Variants in SNTG2 observed in about 807,000 individuals in gnomAD.
The protein encoded by SNTG2 is gamma-2-syntrophin.
In SNTG2, 74 loss-of-function variants were observed where a neutral mutation model predicts 70.9. The observed-to-expected ratio is 1.04, with a 90% CI of 0.86 to 1.27. The LOEUF is 1.27. Among genes scored for constraint, SNTG2 ranks in the 50% most tolerant of loss-of-function variants. The probability of loss-of-function intolerance (pLI) is 0.00; values close to 1 mark genes in which losing one functional copy is unlikely to be tolerated. For missense variants in SNTG2, 717 were observed against 690.7 expected (o/e 1.04, Z -0.43); for synonymous variants, 278 against 273.8 (o/e 1.02, Z -0.15).
chr2:1,222,125 G>GTCTCTGTCTCTCTCTGTCTC (rs1675223990), intron 9 of SNTG2, among the ~76,000 whole-genome samples: 1 of 76,264 alleles, frequency 1.3e-5, no homozygotes, highest in African/African-American at 7.6e-5. Context: ...GTCTCTCTCT[G>GTCTCTGTCTCTCTCTGTCTC]TCTCTCTCTG....
At chr2:1,251,652 ACAC>A (rs1301470231) in intron 12 of SNTG2, among the ~76,000 whole-genome samples, 3 of 144,416 alleles carry the variant, frequency 2.1e-5, no homozygotes, top group Non-Finnish European at 3.0e-5. Context: ...AACCCCACAC[ACAC>A]CACACATGCA....
chr2:1,261,520 T>C (rs1379322509), intron 13 of SNTG2, among the ~76,000 whole-genome samples: 1 of 152,120 alleles, frequency 6.6e-6, no homozygotes, highest in African/African-American at 2.4e-5. Context: ...GATGAGAAAA[T>C]TGCACCAATC....
intron 6 of SNTG2, among the ~76,000 whole-genome samples, chr2:1,154,863 C>A (rs932066885): frequency 1.3e-5 from 2 of 151,584 alleles, no homozygotes; most frequent in Non-Finnish European, 2.9e-5. Flanking sequence ...CATAGACATG[C>A]ACACACCACA....
intron 1 of SNTG2, among the ~76,000 whole-genome samples, chr2:1,025,154 C>T (rs910918872): frequency 6.6e-6 from 1 of 152,128 alleles, no homozygotes; most frequent in Non-Finnish European, 1.5e-5. Context: ...AGTGTTTTCC[C>T]CTAGGGATGA....
chr2:960,371 T>C (rs1171404397), intron 1 of SNTG2, among the ~76,000 whole-genome samples: 4 of 152,334 alleles, frequency 2.6e-5, no homozygotes, highest in African/African-American at 4.8e-5. Context: ...CTCTCCTTTG[T>C]TGGGAATGCT....
chr2:1,029,256 A>T (rs1660678936), intron 1 of SNTG2, among the ~76,000 whole-genome samples: 1 of 152,222 alleles, frequency 6.6e-6, no homozygotes, highest in African/African-American at 2.4e-5. Flanking sequence ...CAATTTTTAA[A>T]TGACTAAGAG....
At chr2:1,171,009 G>A (rs1671091405) in intron 7 of SNTG2, among the ~76,000 whole-genome samples, 1 of 152,004 alleles carries the variant, frequency 6.6e-6, no homozygotes, top group Admixed American at 6.6e-5. Flanking sequence ...ATAGGTTAGG[G>A]TTAATTTTTT....
At chr2:1,333,413 A>G (rs1659636507) in intron 16 of SNTG2, among the ~76,000 whole-genome samples, 1 of 152,138 alleles carries the variant, frequency 6.6e-6, no homozygotes, top group Non-Finnish European at 1.5e-5. Flanking sequence ...TCAAAATATC[A>G]TAATTCTTCA....
intron 4 of SNTG2, among the ~76,000 whole-genome samples, chr2:1,118,313 T>A (rs1369741398): frequency 1.3e-5 from 2 of 152,016 alleles, no homozygotes; most frequent in Admixed American, 1.3e-4. Context: ...TCAAAAGTAG[T>A]AGGATACATG....
At chr2:1,119,398 T>C (rs1038003428) in intron 4 of SNTG2, among the ~76,000 whole-genome samples, 4 of 152,138 alleles carry the variant, frequency 2.6e-5, no homozygotes, top group Non-Finnish European at 5.9e-5. Context: ...AGTGTCATCA[T>C]GGTGGTGTGT....
intron 1 of SNTG2, among the ~76,000 whole-genome samples, chr2:1,059,563 G>T (rs1662681326): frequency 6.6e-6 from 1 of 151,998 alleles, no homozygotes; most frequent in African/African-American, 2.4e-5. Context: ...TACGTAATTT[G>T]TAATCTTTAC....
rs1430208291 is a variant in SNTG2, at chr2:1,209,187, A to G, written c.676A>G (p.Met226Val). Residue 226 changes from methionine to valine, a missense_variant, in exon 9 of 17, where the codon ATG (methionine) becomes GTG (valine). Physicochemically the swap from Met to Val is conservative, Grantham distance 21. Transcript: ENST00000308624. ...GGACACCTTGTCCGTGCCTCTGTCC[A>G]TGGCTCGCATCTCAAGGTACAAAGC... ...WLDTLSVPLS[M>V]ARISRYKAGT... 2.5e-6 allele frequency: 4 copies of G among 1,613,916 alleles called. No homozygotes were observed. The highest frequency in any genetic ancestry group is 4.5e-5 in the East Asian group (2 of 44,860).
chr2:1,360,882 G>A (rs1029333574), intron 16 of SNTG2, among the ~76,000 whole-genome samples: 5 of 152,218 alleles, frequency 3.3e-5, no homozygotes, highest in Non-Finnish European at 4.4e-5. Context: ...TCTGCATAAC[G>A]ATTCCAGTCA....
intron 1 of SNTG2, among the ~76,000 whole-genome samples, chr2:973,507 G>C (rs924132936): frequency 6.6e-6 from 1 of 150,502 alleles, no homozygotes; most frequent in African/African-American, 2.4e-5. Context: ...GGGCTTCTTG[G>C]GGGTGTGTGT....
At chr2:1,038,855 A>G (rs1305002031) in intron 1 of SNTG2, among the ~76,000 whole-genome samples, 1 of 152,246 alleles carries the variant, frequency 6.6e-6, no homozygotes, top group East Asian at 1.9e-4. Context: ...TATGTGGCAC[A>G]TTGGGAAGAT....
intron 4 of SNTG2, among the ~76,000 whole-genome samples, chr2:1,101,917 A>C (rs1475207095): frequency 6.6e-6 from 1 of 152,244 alleles, no homozygotes; most frequent in African/African-American, 2.4e-5. Flanking sequence ...CACCTCGCTC[A>C]TTTTTAAGAA....
At chr2:1,135,577 C>T (rs1668328701) in intron 4 of SNTG2, among the ~76,000 whole-genome samples, 1 of 152,104 alleles carries the variant, frequency 6.6e-6, no homozygotes, top group African/African-American at 2.4e-5. Flanking sequence ...AAAAAATTGG[C>T]AGGGTGTGGT....
In SNTG2 at chr2:1,209,232, T is replaced by C. The variant is rs1673878414; in HGVS notation, c.719+2T>C. 1 of 1,613,730 alleles carries C rather than the reference T, an allele frequency of 6.2e-7. No homozygotes were observed. Among genetic ancestry groups the C allele is most frequent in the African/African-American group, 1.3e-5 (1 of 74,894 alleles). ...CAAAGCCGGAACGGAAAAATTAAGG[T>C]GTGTGACCATTGTCTGAGATGGGAA... On this transcript the variant is annotated splice_donor_variant, in intron 9 of 16. Transcript: ENST00000308624. LOFTEE classifies it high-confidence loss of function.
At chr2:1,114,300 C>T (rs1666765909) in intron 4 of SNTG2, among the ~76,000 whole-genome samples, 1 of 151,674 alleles carries the variant, frequency 6.6e-6, no homozygotes, top group Admixed American at 6.6e-5. Context: ...ACCTTACAGT[C>T]CTTTGAGAAG....
Sources: allele counts gnomAD v4.1 joint callset (sites outside exome capture counted in the v4.1 genomes callset), GRCh38; gene constraint gnomAD v4.1.1; transcripts MANE v1.5; gene names NCBI Gene and HGNC (gene_info 2026-07-23, HGNC 2026-07-21).